Variants in TBC1D5 observed in about 807,000 individuals in gnomAD.
TBC1D5 encodes the protein TBC1 domain family, member 5.
A neutral mutation model predicts 100.3 loss-of-function variants in TBC1D5; 75 were observed. That is an observed-to-expected ratio of 0.75 (90% CI 0.62 to 0.91). TBC1D5 has a LOEUF of 0.91. Ranked by LOEUF, TBC1D5 falls within the 40% of genes least tolerant of loss-of-function variation. The pLI, the probability that TBC1D5 is intolerant of heterozygous loss-of-function variation, is 0.00. For synonymous variants in TBC1D5, 323 were observed against 325.6 expected (o/e 0.99, Z 0.09); for missense variants, 910 against 942.4 (o/e 0.97, Z 0.45).
At chr3:17,366,929 T>C (rs757204190) in intron 13 of TBC1D5, among the ~76,000 whole-genome samples, 19 of 152,080 alleles carry the variant, frequency 1.2e-4, no homozygotes, top group Non-Finnish European at 1.6e-4. Flanking sequence ...ATCCAGATAA[T>C]AGAAAACAGA....
intron 9 of TBC1D5, among the ~76,000 whole-genome samples, chr3:17,380,572 T>G (rs2092907717): frequency 6.6e-6 from 1 of 152,110 alleles, no homozygotes. Context: ...TATATTTTGC[T>G]TCCACCTATA....
chr3:17,356,359 C>T (rs6442679), intron 13 of TBC1D5, among the ~76,000 whole-genome samples: 61,876 of 151,814 alleles, frequency 0.41, 13,239 homozygotes, highest in Middle Eastern at 0.51. Context: ...TCAAAACATG[C>T]CCCCCAAGTT....
At chr3:17,564,383 C>A (rs1019513527) in intron 2 of TBC1D5, among the ~76,000 whole-genome samples, 2 of 152,058 alleles carry the variant, frequency 1.3e-5, no homozygotes, top group African/African-American at 4.8e-5. Context: ...TACTATGAAT[C>A]AAATCATTGG....
intron 2 of TBC1D5, among the ~76,000 whole-genome samples, chr3:17,594,192 G>A (rs1384269836): frequency 6.6e-6 from 1 of 152,192 alleles, no homozygotes; most frequent in African/African-American, 2.4e-5. Flanking sequence ...TATAGTGTTG[G>A]CTGGGGTGAA....
intron 16 of TBC1D5, among the ~76,000 whole-genome samples, chr3:17,252,270 A>C (rs2077242121): frequency 6.6e-6 from 1 of 152,164 alleles, no homozygotes; most frequent in East Asian, 1.9e-4. Context: ...TCATTTGATA[A>C]AATTGAAATT....
intron 16 of TBC1D5, among the ~76,000 whole-genome samples, chr3:17,256,209 A>T (rs1228213881): frequency 6.6e-6 from 1 of 151,770 alleles, no homozygotes; most frequent in Non-Finnish European, 1.5e-5. Flanking sequence ...AGATTTGCCA[A>T]TTTTCCCAGC....
intron 13 of TBC1D5, among the ~76,000 whole-genome samples, chr3:17,328,613 T>G (rs1478718223): frequency 1.3e-5 from 2 of 152,216 alleles, no homozygotes; most frequent in Admixed American, 6.5e-5. Context: ...CTCAAAAATT[T>G]GCAGTGCTGA....
intron 4 of TBC1D5, among the ~76,000 whole-genome samples, chr3:17,424,425 T>A (rs1388322153): frequency 1.3e-5 from 2 of 152,188 alleles, no homozygotes; most frequent in African/African-American, 4.8e-5. Context: ...TTTCCTTCTT[T>A]CACACCCATT....
chr3:17,172,093 C>T (rs1006077224), intron 19 of TBC1D5, among the ~76,000 whole-genome samples: 10 of 152,192 alleles, frequency 6.6e-5, no homozygotes, highest in African/African-American at 2.4e-4. Flanking sequence ...CCCCTGAAAA[C>T]CCATGTACAT....
chr3:17,424,609 C>A (rs1469422658), intron 4 of TBC1D5, among the ~76,000 whole-genome samples: 1 of 152,184 alleles, frequency 6.6e-6, no homozygotes, highest in African/African-American at 2.4e-5. Flanking sequence ...CAAATTAGTT[C>A]AGAGATATAC....
At chr3:17,508,909 A>G (rs1457672737) in intron 2 of TBC1D5, among the ~76,000 whole-genome samples, 1 of 152,234 alleles carries the variant, frequency 6.6e-6, no homozygotes, top group African/African-American at 2.4e-5. Flanking sequence ...TCACATTTAT[A>G]GCATCCTTTT....
At chr3:17,341,969 A>G (rs777014204) in intron 13 of TBC1D5, among the ~76,000 whole-genome samples, 8 of 151,580 alleles carry the variant, frequency 5.3e-5, no homozygotes, top group Non-Finnish European at 1.0e-4. Context: ...CCCCACTCCA[A>G]CTCCACTGCT....
chr3:17,637,836 T>C (rs75863123), intron 1 of TBC1D5, among the ~76,000 whole-genome samples: 1 of 152,188 alleles, frequency 6.6e-6, no homozygotes, highest in Non-Finnish European at 1.5e-5. Flanking sequence ...AAATGTTAAA[T>C]GCACTTAATC....
At chr3:17,438,634 T>C (rs2094580893) in intron 3 of TBC1D5, among the ~76,000 whole-genome samples, 1 of 152,238 alleles carries the variant, frequency 6.6e-6, no homozygotes, top group African/African-American at 2.4e-5. Flanking sequence ...ATTAAACCTC[T>C]TTCCTTTACA....
chr3:17,635,024 G>A (rs749581871), intron 1 of TBC1D5, among the ~76,000 whole-genome samples: 6 of 152,100 alleles, frequency 3.9e-5, no homozygotes, highest in Non-Finnish European at 7.4e-5. Context: ...CAAAAATAAT[G>A]AGTTCAATAC....
At chr3:17,602,962 G>C (rs2061081751) in intron 2 of TBC1D5, among the ~76,000 whole-genome samples, 1 of 151,968 alleles carries the variant, frequency 6.6e-6, no homozygotes. Flanking sequence ...TACATCCTGA[G>C]CCTCACTAGT....
At chr3:17,342,223 A>G (rs537638844) in intron 13 of TBC1D5, among the ~76,000 whole-genome samples, 12 of 152,338 alleles carry the variant, frequency 7.9e-5, no homozygotes, top group African/African-American at 2.9e-4. Context: ...TCCTAATTGT[A>G]GACTACAGAG....
intron 18 of TBC1D5, among the ~76,000 whole-genome samples, chr3:17,207,793 G>GAT (rs1324181528): frequency 6.6e-6 from 1 of 152,160 alleles, no homozygotes; most frequent in Non-Finnish European, 1.5e-5. Flanking sequence ...GTTACAAGCA[G>GAT]ATTTTACTGT....
intron 4 of TBC1D5, among the ~76,000 whole-genome samples, chr3:17,414,531 T>A (rs552708525): frequency 6.6e-6 from 1 of 152,158 alleles, no homozygotes; most frequent in African/African-American, 2.4e-5. Context: ...ACTATTCAAA[T>A]AGAACAAGTA....
Sources: allele counts gnomAD v4.1 joint callset (sites outside exome capture counted in the v4.1 genomes callset), GRCh38; gene constraint gnomAD v4.1.1; transcripts MANE v1.5; gene names NCBI Gene and HGNC (gene_info 2026-07-23, HGNC 2026-07-21).